The following MAN1A2 variants were observed in gnomAD, a reference collection of about 807,000 sequenced individuals.
The protein encoded by MAN1A2 is mannosidase alpha class 1A member 2, also known as mannosyl-oligosaccharide 1,2-alpha-mannosidase IB.
Under a neutral mutation model 75.7 loss-of-function variants are expected in MAN1A2, and 26 were observed. The ratio of observed to expected loss-of-function variants is 0.34; its 90% CI spans 0.25 to 0.48. The LOEUF (loss-of-function observed/expected upper bound fraction) is 0.48, where lower values mean the gene tolerates loss of function less well. Ranked by LOEUF, MAN1A2 falls within the 20% of genes least tolerant of loss-of-function variation. The probability of loss-of-function intolerance (pLI) is 0.99; values close to 1 mark genes in which losing one functional copy is unlikely to be tolerated. For synonymous variants in MAN1A2, 247 were observed against 264.6 expected (o/e 0.93, Z 0.65); for missense variants, 562 against 775.5 (o/e 0.72, Z 3.27).
At chr1:117,373,980 C>CCTATAATAT (rs1157706956) in intron 1 of MAN1A2, among the ~76,000 whole-genome samples, 1 of 152,006 alleles carries the variant, frequency 6.6e-6, no homozygotes. Context: ...ATAGGCAGAG[C>CCTATAATAT]AGCCAATTTA....
intron 5 of MAN1A2, among the ~76,000 whole-genome samples, chr1:117,428,645 TAGAG>T (rs1408877203): frequency 3.3e-5 from 5 of 151,920 alleles, no homozygotes; most frequent in Non-Finnish European, 7.4e-5. Flanking sequence ...ACACACTTAA[TAGAG>T]AGGTTGAAAG....
intron 3 of MAN1A2, among the ~76,000 whole-genome samples, chr1:117,407,247 A>G (rs1399448057): frequency 6.6e-6 from 1 of 152,084 alleles, no homozygotes; most frequent in Non-Finnish European, 1.5e-5. Context: ...GTTTTGTCTT[A>G]TGTTTGTAGC....
In MAN1A2 at chr1:117,367,468, AGCGGCG is replaced by A. The variant is rs1466901349; in HGVS notation, c.-710_-705del. On this transcript the variant is annotated 5_prime_UTR_variant, in exon 1 of 13. Transcript: ENST00000356554. The stretch of plus-strand genomic sequence containing the variant: ...CCTGACAGACCCGTGCGGTAGCAAC[AGCGGCG>A]GCGGCCGCGGCGGCTGGCCGGACTC... 6.5e-6 allele frequency: 1 copy of A among 154,120 alleles called. No homozygotes were observed. The highest frequency in any genetic ancestry group is 1.4e-5 in the Non-Finnish European group (1 of 69,242). 9.5% of individuals were successfully genotyped at this position (154,120 alleles called of 1,614,324 possible).
chr1:117,382,264 A>G (rs902895096), intron 1 of MAN1A2, among the ~76,000 whole-genome samples: 4 of 152,188 alleles, frequency 2.6e-5, no homozygotes, highest in Admixed American at 6.5e-5. Flanking sequence ...GCCCATGCCT[A>G]TGTCCTGAAT....
intron 1 of MAN1A2, among the ~76,000 whole-genome samples, chr1:117,383,584 C>T (rs1168402859): frequency 3.3e-5 from 5 of 152,102 alleles, no homozygotes; most frequent in African/African-American, 9.7e-5. Context: ...CTATCTGGTT[C>T]TGGGCTTTTC....
Position 117,453,903 on chromosome 1 carries a change from G to T in MAN1A2, c.951-6586G>T, listed in dbSNP as rs531431966. On this transcript the variant is annotated intron_variant, in intron 6 of 12. Coordinates refer to ENST00000356554, the MANE Select transcript of MAN1A2 (RefSeq NM_006699.5). Reference sequence around the variant, plus strand: ...TGTCTCATTTTAAGAAATTGCCCCAGCCACCCCAGCCTTCAGCAGCCACCA... The same window carrying T: ...TGTCTCATTTTAAGAAATTGCCCCATCCACCCCAGCCTTCAGCAGCCACCA... 2.4e-3 allele frequency among the ~76,000 whole-genome samples: 358 copies of T among 152,190 alleles called. 5 individuals are homozygous for T. The highest frequency in any genetic ancestry group is 8.1e-3 in the African/African-American group (337 of 41,532).
intron 1 of MAN1A2, 48 bp from the exon 2 acceptor site, chr1:117,402,138 T>C: frequency 6.5e-7 from 1 of 1,547,166 alleles, no homozygotes; most frequent in South Asian, 1.3e-5. Flanking sequence ...AAGGTTGACA[T>C]TCTTAAGTAG....
At chr1:117,423,089 A>C (rs1375460627) in intron 5 of MAN1A2, among the ~76,000 whole-genome samples, 1 of 152,150 alleles carries the variant, frequency 6.6e-6, no homozygotes, top group Non-Finnish European at 1.5e-5. Flanking sequence ...TAAATCCTAT[A>C]TATGCTGTGA....
intron 12 of MAN1A2, among the ~76,000 whole-genome samples, chr1:117,512,587 G>T (rs1238579756): frequency 6.6e-6 from 1 of 152,052 alleles, no homozygotes; most frequent in Non-Finnish European, 1.5e-5. Flanking sequence ...TACTGGCAGA[G>T]AACCTAGCAT....
chr1:117,457,931 A>G (rs1649656118), intron 6 of MAN1A2, among the ~76,000 whole-genome samples: 1 of 152,082 alleles, frequency 6.6e-6, no homozygotes, highest in African/African-American at 2.4e-5. Context: ...CCTTTCCCTC[A>G]AGGCCATTAC....
intron 12 of MAN1A2, among the ~76,000 whole-genome samples, chr1:117,513,152 G>A (rs890847375): frequency 3.3e-5 from 5 of 152,062 alleles, no homozygotes; most frequent in Non-Finnish European, 7.4e-5. Context: ...TGTCACTATA[G>A]GTTGCTGCTT....
At chr1:117,400,219 C>G (rs1466465010) in intron 1 of MAN1A2, among the ~76,000 whole-genome samples, 2 of 151,982 alleles carry the variant, frequency 1.3e-5, no homozygotes, top group African/African-American at 2.4e-5. Context: ...GATTCTTCCT[C>G]CCTGCTGAAT....
chr1:117,388,050 T>TG (rs1292830025), intron 1 of MAN1A2, among the ~76,000 whole-genome samples: 4 of 150,992 alleles, frequency 2.6e-5, no homozygotes, highest in African/African-American at 9.8e-5. Context: ...ATATGAATTT[T>TG]GGGGGGACAC....
At chr1:117,429,764 C>T (rs1233817656) in intron 5 of MAN1A2, among the ~76,000 whole-genome samples, 2 of 110,666 alleles carry the variant, frequency 1.8e-5, no homozygotes, top group Non-Finnish European at 1.9e-5. Flanking sequence ...GGGGGCTGAC[C>T]CCCCCACCTC....
chr1:117,441,902 C>G (rs191585976), intron 5 of MAN1A2, among the ~76,000 whole-genome samples: 54 of 152,228 alleles, frequency 3.5e-4, no homozygotes, highest in Admixed American at 1.0e-3. Flanking sequence ...TTGAACTAAA[C>G]CTGTTTACCT....
chr1:117,493,345 C>A, intron 9 of MAN1A2, 83 bp downstream of exon 9: 1 of 760,936 alleles, frequency 1.3e-6, no homozygotes. Context: ...ATCTTATAAC[C>A]ATTTTATTAT....
chr1:117,417,534 AATATAT>A lies in MAN1A2; in HGVS notation c.774+2722_774+2727del, dbSNP rs551507232. 6.6e-4 allele frequency among the ~76,000 whole-genome samples: 59 copies of A among 89,208 alleles called. 1 individual carries two copies. The highest frequency in any genetic ancestry group is 2.3e-3 in the Admixed American group (19 of 8,138). The allele number at this position is 89,208 out of a possible 152,430, so 58.5% of individuals were successfully genotyped here. On this transcript the variant is annotated intron_variant, in intron 4 of 12. Coordinates refer to ENST00000356554, the MANE Select transcript of MAN1A2 (RefSeq NM_006699.5). ...GACTTTGGAGATATCCTTGAGTTTA[AATATAT>A]ATATATATATATATATATGTGATAT...
intron 12 of MAN1A2, among the ~76,000 whole-genome samples, chr1:117,503,238 G>A (rs1364664117): frequency 6.6e-6 from 1 of 151,442 alleles, no homozygotes; most frequent in Non-Finnish European, 1.5e-5. Flanking sequence ...GGAAGGCTTC[G>A]TAATACACAG....
At chr1:117,457,336 G>C (rs894260270) in intron 6 of MAN1A2, among the ~76,000 whole-genome samples, 1 of 151,858 alleles carries the variant, frequency 6.6e-6, no homozygotes, top group African/African-American at 2.4e-5. Context: ...TTAGTATCCA[G>C]ACCTTTTATT....
Sources: gnomAD v4.1 joint callset for allele counts (sites outside exome capture counted in the v4.1 genomes callset) on GRCh38, gnomAD v4.1.1 for gene constraint, MANE v1.5 for transcripts, NCBI Gene and HGNC (gene_info 2026-07-23, HGNC 2026-07-21) for gene names.